RBFOX1: variants seen among roughly 807,000 people sequenced by gnomAD.
RBFOX1 encodes the protein RNA binding fox-1 homolog 1, also known as RNA binding protein fox-1 homolog 1.
A neutral mutation model predicts 57.7 loss-of-function variants in RBFOX1; 8 were observed. That is an observed-to-expected ratio of 0.14 (90% CI 0.08 to 0.25). The LOEUF is 0.25. RBFOX1 is among the 10% of genes least tolerant of loss of function. The pLI is 1.00. For missense variants in RBFOX1, 611 were observed against 548.5 expected (o/e 1.11, Z -1.14); for synonymous variants, 326 against 222.4 (o/e 1.47, Z -4.15).
At position 6,201,643 on chromosome 16, in the gene RBFOX1, T is replaced by C. The variant is rs560846905; in HGVS notation, c.-126-115352T>C. ...GTATAGTTAACTATATTTTAGTGTATTTTCTAAAATAACTAAAAGAGTGGA... is the reference window on the plus strand; with the variant it reads ...GTATAGTTAACTATATTTTAGTGTACTTTCTAAAATAACTAAAAGAGTGGA... On this transcript the variant is annotated intron_variant, in intron 1 of 15. Coordinates refer to ENST00000550418, the MANE Select transcript of RBFOX1 (RefSeq NM_018723.4). Among the ~76,000 whole-genome samples, 440 of 152,224 alleles carry C rather than the reference T, an allele frequency of 2.9e-3. 1 individual carries two copies. Among genetic ancestry groups the C allele is most frequent in the African/African-American group, 0.01 (424 of 41,530 alleles).
intron 2 of RBFOX1, among the ~76,000 whole-genome samples, chr16:6,523,447 C>G (rs1350518728): frequency 2.6e-5 from 4 of 152,094 alleles, no homozygotes; most frequent in African/African-American, 9.7e-5. Context: ...CACATTTTGT[C>G]CAATGCAGTG....
chr16:6,692,382 T>C (rs2060326177), intron 3 of RBFOX1, among the ~76,000 whole-genome samples: 2 of 152,290 alleles, frequency 1.3e-5, no homozygotes, highest in South Asian at 2.1e-4. Context: ...ATTTGATACC[T>C]GGTATCTCTC....
chr16:7,138,890 G>A (rs2072808851), intron 4 of RBFOX1, among the ~76,000 whole-genome samples: 1 of 152,088 alleles, frequency 6.6e-6, no homozygotes, highest in Admixed American at 6.6e-5. Flanking sequence ...CTCAGTGCAA[G>A]CTCCGCCTCC....
intron 1 of RBFOX1, among the ~76,000 whole-genome samples, chr16:6,124,376 C>G (rs917682913): frequency 6.6e-6 from 1 of 152,094 alleles, no homozygotes; most frequent in African/African-American, 2.4e-5. Context: ...GGAGTCATTG[C>G]CTTTGTATTG....
At chr16:7,102,148 A>G (rs1042630849) in intron 4 of RBFOX1, among the ~76,000 whole-genome samples, 1 of 152,196 alleles carries the variant, frequency 6.6e-6, no homozygotes, top group Non-Finnish European at 1.5e-5. Flanking sequence ...TAGAAAAGAA[A>G]CACTCCTCTT....
intron 3 of RBFOX1, among the ~76,000 whole-genome samples, chr16:6,854,655 C>A (rs1371631380): frequency 7.9e-6 from 1 of 127,206 alleles, no homozygotes; most frequent in Admixed American, 9.7e-5. Context: ...AGTGCAGTGG[C>A]GCTATCTGGG....
At chr16:5,973,006 C>T (rs997402537) in intron 4 of RBFOX1, among the ~76,000 whole-genome samples, 4 of 152,158 alleles carry the variant, frequency 2.6e-5, no homozygotes, top group Non-Finnish European at 5.9e-5. Flanking sequence ...ATGAAACATG[C>T]CTGCCTGGCA....
chr16:7,701,454 G>C (rs1383500908), intron 14 of RBFOX1, among the ~76,000 whole-genome samples: 1 of 152,162 alleles, frequency 6.6e-6, no homozygotes, highest in Non-Finnish European at 1.5e-5. Context: ...GAGGCATCTA[G>C]GTTGCACACT....
chr16:7,654,087 C>T (rs2065749385), intron 12 of RBFOX1, 140 bp downstream of exon 12: 2 of 851,644 alleles, frequency 2.3e-6, no homozygotes, highest in East Asian at 2.9e-5. Flanking sequence ...AGCCCGGCCG[C>T]GCACCTGCAG....
chr16:5,412,968 G>C (rs1019674342), intron 1 of RBFOX1, among the ~76,000 whole-genome samples: 4 of 152,234 alleles, frequency 2.6e-5, no homozygotes, highest in Non-Finnish European at 4.4e-5. Flanking sequence ...ACTCGCTGAA[G>C]GACGCAGGTG....
chr16:7,095,073 T>C (rs1051862936), intron 4 of RBFOX1, among the ~76,000 whole-genome samples: 2 of 152,152 alleles, frequency 1.3e-5, no homozygotes, highest in African/African-American at 4.8e-5. Context: ...GTTGATGATA[T>C]TAGTAATTTG....
intron 4 of RBFOX1, among the ~76,000 whole-genome samples, chr16:7,216,095 C>T (rs80160512): frequency 0.31 from 46,682 of 151,876 alleles, 8,120 homozygotes; most frequent in East Asian, 0.66. Context: ...TAGCATAATG[C>T]TTACGGGGTT....
intron 4 of RBFOX1, among the ~76,000 whole-genome samples, chr16:7,316,157 G>T (rs765093418): frequency 3.3e-5 from 5 of 152,158 alleles, no homozygotes; most frequent in Non-Finnish European, 5.9e-5. Flanking sequence ...TATGAGGGAT[G>T]GATCCTCCAC....
At chr16:5,662,122 C>A (rs2049673241) in intron 3 of RBFOX1, among the ~76,000 whole-genome samples, 2 of 152,096 alleles carry the variant, frequency 1.3e-5, no homozygotes, top group African/African-American at 4.8e-5. Flanking sequence ...AGTTTGGACC[C>A]TTTGACAAAC....
rs146345053 is a variant in RBFOX1 at position 6,611,730 on chromosome 16, G to A, written c.-63-42873G>A. ...TGGATATTTTCACCCAGTAGAGGGC[G>A]TGAGTGGAAACTCTGAATGCAGGAG... On this transcript the variant is annotated intron_variant, in intron 2 of 15. Coordinates refer to ENST00000550418, the MANE Select transcript of RBFOX1 (RefSeq NM_018723.4). Among the ~76,000 whole-genome samples, 538 of 152,240 alleles carry A rather than the reference G, an allele frequency of 3.5e-3. 7 individuals carry two copies. Among genetic ancestry groups the A allele is most frequent in the African/African-American group, 0.012 (503 of 41,522 alleles).
chr16:5,715,636 C>G (rs955321403), intron 3 of RBFOX1, among the ~76,000 whole-genome samples: 2 of 152,154 alleles, frequency 1.3e-5, no homozygotes, highest in African/African-American at 4.8e-5. Flanking sequence ...TCCGTGCTGT[C>G]TCTTCTAGGT....
At chr16:7,217,917 TGAGTGTAGGTGTGTG>T (rs2092358650) in intron 4 of RBFOX1, among the ~76,000 whole-genome samples, 5 of 151,480 alleles carry the variant, frequency 3.3e-5, no homozygotes, top group South Asian at 2.1e-4. Flanking sequence ...TGTGTGTGTG[TGAGTGTAGGTGTGTG>T]CGTGCATGTG....
At chr16:7,450,572 T>C (rs1041309483) in intron 4 of RBFOX1, among the ~76,000 whole-genome samples, 8 of 151,990 alleles carry the variant, frequency 5.3e-5, no homozygotes, top group Admixed American at 4.6e-4. Context: ...GCTGCGTGAG[T>C]GTCTTAAGGA....
intron 3 of RBFOX1, among the ~76,000 whole-genome samples, chr16:6,853,697 C>T (rs1223606327): frequency 3.3e-5 from 5 of 152,120 alleles, no homozygotes; most frequent in Admixed American, 2.0e-4. Context: ...CAATTTATCA[C>T]CCTGGTTGGA....
Sources: allele counts gnomAD v4.1 joint callset (sites outside exome capture counted in the v4.1 genomes callset), GRCh38; gene constraint gnomAD v4.1.1; transcripts MANE v1.5; gene names NCBI Gene and HGNC (gene_info 2026-07-23, HGNC 2026-07-21).